BCL9L: variants seen among roughly 807,000 people sequenced by gnomAD.
The protein encoded by BCL9L is B-cell CLL/lymphoma 9-like protein.
Under a neutral mutation model 99.4 loss-of-function variants are expected in BCL9L, and 19 were observed. The ratio of observed to expected loss-of-function variants is 0.19; its 90% CI spans 0.13 to 0.28. The LOEUF is 0.28. Among genes scored for constraint, BCL9L ranks in the 10% least tolerant of loss-of-function variants. The probability of loss-of-function intolerance (pLI) is 1.00; values close to 1 mark genes in which losing one functional copy is unlikely to be tolerated. For synonymous variants in BCL9L, 900 were observed against 854.8 expected, an observed-to-expected ratio of 1.05 and a Z score of -0.92; for missense variants, 2,023 against 2,101.6, an observed-to-expected ratio of 0.96 and a Z score of 0.73.
rs919391501 is a variant in BCL9L, at chr11:118,922,020, C to A, written c.-130-3141G>T. On this transcript the variant is annotated intron_variant, in intron 1 of 9. Transcript: ENST00000683865. This position sits in a 1 kb window ranked among gnomAD's most constrained non-coding sequence, Gnocchi z 6.2. ...GGCTTTCTTCCTCTCCACAAGGATG[C>A]GGGACCCTCGGGGAGACTGAGGCAG... Among the ~76,000 whole-genome samples, 2 of 152,126 alleles carry A rather than the reference C, an allele frequency of 1.3e-5. No individual in the cohort carries two copies. The highest frequency in any genetic ancestry group is 4.8e-5 in the African/African-American group (2 of 41,408).
rs750209680 is a variant in BCL9L at position 118,901,106 on chromosome 11, C to T, written c.2637G>A (p.Met879Ile). The T allele has an allele frequency of 1.2e-6, 2 of 1,610,170 alleles. No homozygotes were observed. Among genetic ancestry groups the T allele is most frequent in the South Asian group, 2.2e-5 (2 of 90,694 alleles). The change falls in exon 8 of 10, where the codon ATG (methionine) becomes ATA (isoleucine). Residue 879 changes from methionine (M) to isoleucine (I), a missense_variant. Coordinates refer to ENST00000683865, the MANE Select transcript of BCL9L (RefSeq NM_001378213.1). The surrounding 1 kb of genome is among the most constrained non-coding windows in gnomAD (Gnocchi z 6.6). ...TGAGCCGGGTGGTGCCCACGTTGCT[C>T]ATGGGCATTGAGCTCTGATCAGGGC... ...MFSPDQSSMP[M>I]SNVGTTRLSH...
rs376855692 is a variant in BCL9L at position 118,902,978 on chromosome 11, C to T, written c.834+12G>A. ...CACCCAGTCCTGCTGCTCACAGAGGCGCCACGCTCACCTGGTCAAGCTTGG... is the reference window on the plus strand; with the variant it reads ...CACCCAGTCCTGCTGCTCACAGAGGTGCCACGCTCACCTGGTCAAGCTTGG... On this transcript the variant is annotated intron_variant, in intron 7 of 9. Transcript: ENST00000683865. This position sits in a 1 kb window ranked among gnomAD's most constrained non-coding sequence, Gnocchi z 7.8. 4.0e-5 allele frequency: 64 copies of T among 1,595,112 alleles called. No individual in the cohort carries two copies. Among genetic ancestry groups the T allele is most frequent in the South Asian group, 3.5e-4 (31 of 89,430 alleles).
rs11217086 is a variant in BCL9L at position 118,908,622 on chromosome 11, C to T, written c.60G>A (p.Gly20=). Residue 20 remains glycine, a synonymous_variant, in exon 4 of 10, where the codon GGG becomes GGA. Transcript: ENST00000683865. The part of the protein sequence containing the change: ...LPHPRRREAP[G]SPPLSPRGHC... ...GACCGCGGGGGGACAGCGGCGGGCT[C>T]CCTGGAGCTTCTCTCCTCCTGGGGT... 4 of 1,612,336 alleles carry T rather than the reference C, an allele frequency of 2.5e-6. No homozygotes were observed. Among genetic ancestry groups the T allele is most frequent in the East Asian group, 2.2e-5 (1 of 44,866 alleles).
intron 5 of BCL9L, among the ~76,000 whole-genome samples, 160 bp downstream of exon 5, chr11:118,907,323 G>C (rs1940565030): frequency 3.3e-5 from 5 of 152,202 alleles, no homozygotes; most frequent in Admixed American, 2.0e-4. Context: ...AGGCAGAGGC[G>C]AGGCAGTTGC....
At position 118,925,010 on chromosome 11, in the gene BCL9L, CT is replaced by C. The variant is rs750646837; in HGVS notation, c.-131+227del. Among the ~76,000 whole-genome samples the C allele has an allele frequency of 3.3e-5, 5 of 152,240 alleles. No individual in the cohort carries two copies. The highest frequency in any genetic ancestry group is 5.9e-5 in the Non-Finnish European group (4 of 68,034). On this transcript the variant is annotated intron_variant, in intron 1 of 9. Coordinates refer to ENST00000683865, the MANE Select transcript of BCL9L (RefSeq NM_001378213.1). This position sits in a 1 kb window ranked among gnomAD's most constrained non-coding sequence, Gnocchi z 6.4. The stretch of plus-strand genomic sequence containing the variant: ...GGGTGGCAGGGTCCCCTGGCTGTCC[CT>C]AAGCCCTCCCCACGGTGTTCTGGAG...
At position 118,901,013 on chromosome 11, in the gene BCL9L, T is replaced by A; in HGVS notation, c.2730A>T (p.Leu910=). 6.4e-7 allele frequency: 1 copy of A among 1,559,278 alleles called. No individual in the cohort carries two copies. Among genetic ancestry groups the A allele is most frequent in the Non-Finnish European group, 8.7e-7 (1 of 1,151,774 alleles). The change falls in exon 8 of 10, where the codon CTA becomes CTT. Residue 910 remains leucine, a synonymous_variant. Coordinates refer to ENST00000683865, the MANE Select transcript of BCL9L (RefSeq NM_001378213.1). The surrounding 1 kb of genome is among the most constrained non-coding windows in gnomAD (Gnocchi z 6.6). ...GTVHSAPNRG[L]GRRPSDLTIS... is the part of the protein sequence containing the mutation. ...TGGTGAGGTCCGAAGGCCGCCTGCC[T>A]AGCCCCCGGTTTGGGGCTGAATGCA...
Position 118,909,960 on chromosome 11 carries a change from C to T in BCL9L, c.-21G>A. The T allele has an allele frequency of 1.2e-6, 2 of 1,613,956 alleles. No homozygotes were observed. The highest frequency in any genetic ancestry group is 1.7e-6 in the Non-Finnish European group (2 of 1,179,894). On this transcript the variant is annotated 5_prime_UTR_variant, in exon 3 of 10. Transcript: ENST00000683865. ...CTCATGGCTCCCACACACAGTGGGG[C>T]TACGGCCCCTGTGCGTGCCCAGGGC... is the stretch of plus-strand genomic sequence containing the variant.
At chr11:118,915,547 G>T (rs1211491239) in intron 2 of BCL9L, among the ~76,000 whole-genome samples, 1 of 152,146 alleles carries the variant, frequency 6.6e-6, no homozygotes, top group Non-Finnish European at 1.5e-5. Flanking sequence ...GGCATCCTGG[G>T]CTCACCGACA....
In BCL9L at chr11:118,900,849, G is replaced by A; in HGVS notation, c.2894C>T (p.Pro965Leu). 2.5e-6 allele frequency: 4 copies of A among 1,612,748 alleles called. No individual in the cohort carries two copies. The highest frequency in any genetic ancestry group is 3.4e-6 in the Non-Finnish European group (4 of 1,179,046). ...PQTPSQMVPL[P>L]SANPPGPLKS... ...GAGAGGTCCTGGCGGGTTGGCAGAA[G>A]GCAAGGGCACCATCTGTGAGGGAGT... is the stretch of plus-strand genomic sequence containing the variant. The change falls in exon 8 of 10, where the codon CCT becomes CTT. Residue 965 changes from proline to leucine, a missense_variant. By Grantham distance (98) the Pro-to-Leu change is moderately conservative. Coordinates refer to ENST00000683865, the MANE Select transcript of BCL9L (RefSeq NM_001378213.1). The surrounding 1 kb of genome is among the most constrained non-coding windows in gnomAD (Gnocchi z 5.3).
Position 118,903,293 on chromosome 11 carries a change from A to AAGCCCC in BCL9L, c.691_692insGGGGCT (p.Val231delinsGlyGlyPhe). On this transcript the variant is annotated protein_altering_variant, in exon 6 of 10. Transcript: ENST00000683865. The surrounding 1 kb of genome is among the most constrained non-coding windows in gnomAD (Gnocchi z 5.6). Reference sequence around the variant, plus strand: ...GAACTGCGAGGGAGGCTTTCCGGGGACGCCCCCGCCCCCGCCCCCGCCCCC... The same window carrying AAGCCCC: ...GAACTGCGAGGGAGGCTTTCCGGGGAAGCCCCCGCCCCCGCCCCCGCCCCCGCCCCC... 1.3e-6 allele frequency: 2 copies of AAGCCCC among 1,577,794 alleles called. No homozygotes were observed. The highest frequency in any genetic ancestry group is 1.7e-6 in the Non-Finnish European group (2 of 1,163,652).
chr11:118,905,189 C>T (rs887646717), intron 5 of BCL9L, among the ~76,000 whole-genome samples: 2 of 152,136 alleles, frequency 1.3e-5, no homozygotes, highest in African/African-American at 2.4e-5. Flanking sequence ...TACGTTCTAT[C>T]GCCCCTCCAG....
In BCL9L at chr11:118,902,164, ACTC is replaced by A. The variant is rs1428132391; in HGVS notation, c.1576_1578del (p.Glu526del). The A allele has an allele frequency of 1.2e-6, 2 of 1,612,966 alleles. No individual in the cohort carries two copies. Among genetic ancestry groups the A allele is most frequent in the South Asian group, 1.1e-5 (1 of 91,052 alleles). ...TCTTTCCGCCGTTTCTCTTCGTAGT[ACTC>A]CTCCTGCAGCTTGCGCCAGGCCACC... On this transcript the variant is annotated inframe_deletion, in exon 8 of 10. Coordinates refer to ENST00000683865, the MANE Select transcript of BCL9L (RefSeq NM_001378213.1). This position sits in a 1 kb window ranked among gnomAD's most constrained non-coding sequence, Gnocchi z 7.8.
rs1351672026 is a variant in BCL9L, at chr11:118,914,397, C to CCTGCT, written c.-76-4387_-76-4383dup. Among the ~76,000 whole-genome samples the CCTGCT allele has an allele frequency of 6.6e-6, 1 of 152,184 alleles. No individual in the cohort carries two copies. The highest frequency in any genetic ancestry group is 6.5e-5 in the Admixed American group (1 of 15,282). On this transcript the variant is annotated intron_variant, in intron 2 of 9. Coordinates refer to ENST00000683865, the MANE Select transcript of BCL9L (RefSeq NM_001378213.1). This position sits in a 1 kb window ranked among gnomAD's most constrained non-coding sequence, Gnocchi z 4.4. ...CACCCAGCGCCCGCCCGCCTGCCTG[C>CCTGCT]CTGCTCTGCTCTCTCCCCAGGTACA...
rs1270681377 is a variant in BCL9L at position 118,901,869 on chromosome 11, G to A, written c.1874C>T (p.Pro625Leu). 6.2e-7 allele frequency: 1 copy of A among 1,611,088 alleles called. No homozygotes were observed. The highest frequency in any genetic ancestry group is 1.3e-5 in the African/African-American group (1 of 74,870). ...GGMQSMPMEV[P>L]MNAMQRPVRP... ...CACGGGCCTCTGCATGGCATTCATGGGCACCTCCATGGGCATACTCTGCAT... is the reference window on the plus strand; with the variant it reads ...CACGGGCCTCTGCATGGCATTCATGAGCACCTCCATGGGCATACTCTGCAT... The change falls in exon 8 of 10, where the codon CCC (proline) becomes CTC (leucine). Residue 625 changes from proline to leucine, a missense_variant. Coordinates refer to ENST00000683865, the MANE Select transcript of BCL9L (RefSeq NM_001378213.1). The surrounding 1 kb of genome is among the most constrained non-coding windows in gnomAD (Gnocchi z 6.6).
chr11:118,902,317 T>C lies in BCL9L; in HGVS notation c.1426A>G (p.Thr476Ala). 5.8e-6 allele frequency: 9 copies of C among 1,557,154 alleles called. No individual in the cohort carries two copies. The highest frequency in any genetic ancestry group is 7.8e-6 in the Non-Finnish European group (9 of 1,151,856). Reference sequence around the variant, plus strand: ...AGCGGGGGGCCCCCTAGGCTCTGTGTCTGTGAAATCATGGACTGCAAGGGT... The same window carrying C: ...AGCGGGGGGCCCCCTAGGCTCTGTGCCTGTGAAATCATGGACTGCAAGGGT... ...EEPLQSMISQ[T>A]QSLGGPPLEH... The change falls in exon 8 of 10, where the codon ACA (threonine) becomes GCA (alanine). Residue 476 changes from threonine to alanine, a missense_variant. Physicochemically the swap from Thr to Ala is moderately conservative, Grantham distance 58. Around this residue, in one of 3 missense-constraint regions of BCL9L, gnomAD observed 1,116 missense variants for 1,194.6 expected, o/e 0.93. Coordinates refer to ENST00000683865, the MANE Select transcript of BCL9L (RefSeq NM_001378213.1). The surrounding 1 kb of genome is among the most constrained non-coding windows in gnomAD (Gnocchi z 7.8).
Position 118,922,970 on chromosome 11 carries a change from T to C in BCL9L, c.-131+2268A>G, listed in dbSNP as rs1344451942. Among the ~76,000 whole-genome samples the C allele has an allele frequency of 2.0e-5, 3 of 152,082 alleles. No individual in the cohort carries two copies. Among genetic ancestry groups the C allele is most frequent in the African/African-American group, 7.2e-5 (3 of 41,380 alleles). ...CTGTCCCAGGGTCCTGGGACAGAAC[T>C]TCAGCGTGTGGTACCAGAGGCAGTG... On this transcript the variant is annotated intron_variant, in intron 1 of 9. Coordinates refer to ENST00000683865, the MANE Select transcript of BCL9L (RefSeq NM_001378213.1). The surrounding 1 kb of genome is among the most constrained non-coding windows in gnomAD (Gnocchi z 6.2).
In BCL9L at chr11:118,896,783, G is replaced by A. The variant is rs1939938650; in HGVS notation, c.*1632C>T. ...GACGGGTCCTGGTAGAAGACACCCTGTCTAGAATGGCCCTTGGTCCTGGAG... is the reference window on the plus strand; with the variant it reads ...GACGGGTCCTGGTAGAAGACACCCTATCTAGAATGGCCCTTGGTCCTGGAG... On this transcript the variant is annotated 3_prime_UTR_variant, in exon 10 of 10. Transcript: ENST00000683865. The A allele has an allele frequency of 6.5e-6, 1 of 152,774 alleles. No individual in the cohort carries two copies. The highest frequency in any genetic ancestry group is 1.5e-5 in the Non-Finnish European group (1 of 68,088). The allele number at this position is 152,774 out of a possible 1,614,324, so 9.5% of individuals were successfully genotyped here.
Position 118,925,731 on chromosome 11 carries a change from G to C in BCL9L, c.-624C>G, listed in dbSNP as rs1289988756. The C allele has an allele frequency of 1.3e-5, 2 of 150,246 alleles. No individual in the cohort carries two copies. Among genetic ancestry groups the C allele is most frequent in the South Asian group, 2.1e-4 (1 of 4,842 alleles). The allele number at this position is 150,246 out of a possible 1,614,324, so 9.3% of individuals were successfully genotyped here. On this transcript the variant is annotated 5_prime_UTR_variant, in exon 1 of 10. Transcript: ENST00000683865. This position sits in a 1 kb window ranked among gnomAD's most constrained non-coding sequence, Gnocchi z 6.4. Reference sequence around the variant, plus strand: ...TCCGAGGGTCCGGGTCACAGCCCCCGGGCGGCGCGGCGCCGGGGGACCCAG... The same window carrying C: ...TCCGAGGGTCCGGGTCACAGCCCCCCGGCGGCGCGGCGCCGGGGGACCCAG...
In BCL9L at chr11:118,902,340, G is replaced by T. The variant is rs766799878; in HGVS notation, c.1403C>A (p.Pro468His). ...PPSGLKKYEE[P>H]LQSMISQTQS... ...TGTCTGTGAAATCATGGACTGCAAG[G>T]GTTCCTCATATTTCTTCAGCCCGCT... is the stretch of plus-strand genomic sequence containing the variant. Residue 468 changes from proline to histidine, a missense_variant, in exon 8 of 10, where the codon CCC becomes CAC. Physicochemically the swap from Pro to His is moderately conservative, Grantham distance 77 (BLOSUM62 -2). Around this residue, in one of 3 missense-constraint regions of BCL9L, gnomAD observed 1,116 missense variants for 1,194.6 expected, o/e 0.93. Coordinates refer to ENST00000683865, the MANE Select transcript of BCL9L (RefSeq NM_001378213.1). This position sits in a 1 kb window ranked among gnomAD's most constrained non-coding sequence, Gnocchi z 7.8. 1.9e-6 allele frequency: 3 copies of T among 1,543,536 alleles called. No individual in the cohort carries two copies. The highest frequency in any genetic ancestry group is 2.6e-6 in the Non-Finnish European group (3 of 1,146,876).
Sources: gnomAD v4.1 joint callset for allele counts (sites outside exome capture counted in the v4.1 genomes callset) on GRCh38, gnomAD v4.1.1 for gene constraint, gnomAD v4.1.1 regional missense constraint, Gnocchi (gnomAD v3.1) non-coding constraint, MANE v1.5 for transcripts, NCBI Gene and HGNC (gene_info 2026-07-23, HGNC 2026-07-21) for gene names.